Variants in NAALADL2 observed in about 807,000 individuals in gnomAD.
NAALADL2 encodes the protein N-acetylated alpha-linked acidic dipeptidase like 2, also known as inactive N-acetylated-alpha-linked acidic dipeptidase-like protein 2.
NAALADL2 carries 76 observed loss-of-function variants against 87.2 expected under a neutral mutation model. That is an observed-to-expected ratio of 0.87 (90% confidence interval 0.72 to 1.05). NAALADL2 has a LOEUF of 1.05. NAALADL2 is among the 50% of genes least tolerant of loss of function. The pLI is 0.00. For missense variants in NAALADL2, 1,089 were observed against 945.8 expected (o/e 1.15, Z -1.99); for synonymous variants, 354 against 331.0 (o/e 1.07, Z -0.75).
intron 1 of NAALADL2, among the ~76,000 whole-genome samples, chr3:174,871,397 A>G (rs1049789294): frequency 6.6e-6 from 1 of 152,216 alleles, no homozygotes; most frequent in Non-Finnish European, 1.5e-5. Context: ...AACTTCGGGA[A>G]ATAGCTATTG....
intron 13 of NAALADL2, among the ~76,000 whole-genome samples, chr3:175,770,171 C>T (rs574290573): frequency 2.0e-5 from 3 of 152,230 alleles, no homozygotes; most frequent in South Asian, 4.1e-4. Flanking sequence ...TAAAATTAAT[C>T]ATCACAGAGA....
chr3:174,758,372 A>G (rs542159561), intron 3 of NAALADL2, among the ~76,000 whole-genome samples: 1 of 152,238 alleles, frequency 6.6e-6, no homozygotes, highest in Non-Finnish European at 1.5e-5. Context: ...ATGAAATAAC[A>G]TATACAACTA....
At chr3:175,137,876 G>A (rs990999596) in intron 2 of NAALADL2, among the ~76,000 whole-genome samples, 3 of 151,552 alleles carry the variant, frequency 2.0e-5, no homozygotes, top group Non-Finnish European at 2.9e-5. Flanking sequence ...CACCTGCCTC[G>A]GCCTCCCAAA....
At chr3:174,738,492 G>C (rs1389194404) in intron 3 of NAALADL2, among the ~76,000 whole-genome samples, 4 of 152,184 alleles carry the variant, frequency 2.6e-5, no homozygotes, top group African/African-American at 9.7e-5. Context: ...AAGTAATGCA[G>C]ATTTAGGAAG....
intron 1 of NAALADL2, among the ~76,000 whole-genome samples, chr3:174,478,440 T>A (rs74978803): frequency 0.02 from 3,042 of 152,248 alleles, 104 homozygotes; most frequent in African/African-American, 0.062. Context: ...GATAAAATAA[T>A]GTTTATGATA....
intron 1 of NAALADL2, among the ~76,000 whole-genome samples, chr3:174,520,022 T>C (rs918154995): frequency 1.3e-5 from 2 of 152,158 alleles, no homozygotes; most frequent in Non-Finnish European, 2.9e-5. Context: ...GTGAAAGATC[T>C]GTACAAGGAG....
chr3:175,188,363 C>T (rs1737650977), intron 2 of NAALADL2, among the ~76,000 whole-genome samples: 1 of 152,120 alleles, frequency 6.6e-6, no homozygotes, highest in Non-Finnish European at 1.5e-5. Flanking sequence ...GCTCCCTACA[C>T]CTGAGCTGGT....
At chr3:175,661,295 T>C (rs1056078105) in intron 11 of NAALADL2, among the ~76,000 whole-genome samples, 99 of 152,010 alleles carry the variant, frequency 6.5e-4, no homozygotes, top group Admixed American at 6.5e-3. Context: ...TTGTATTTGT[T>C]TGTTTGTTTG....
At chr3:175,649,670 A>G (rs1378868758) in intron 11 of NAALADL2, among the ~76,000 whole-genome samples, 6 of 152,064 alleles carry the variant, frequency 3.9e-5, no homozygotes, top group Admixed American at 3.9e-4. Flanking sequence ...GCTCTCTGGT[A>G]TCTCTTCTTA....
chr3:175,611,074 C>T (rs1055851494), intron 10 of NAALADL2, among the ~76,000 whole-genome samples: 2 of 151,850 alleles, frequency 1.3e-5, no homozygotes, highest in Non-Finnish European at 2.9e-5. Flanking sequence ...GAATTTAAAC[C>T]CAGGCCCCAG....
chr3:175,181,766 T>TGTGTATATAG (rs1736580438), intron 2 of NAALADL2, among the ~76,000 whole-genome samples: 1 of 128,638 alleles, frequency 7.8e-6, no homozygotes. Flanking sequence ...TGTGTATATA[T>TGTGTATATAG]GTGTGTATAT....
At chr3:175,078,562 C>T (rs1717097917) in intron 1 of NAALADL2, among the ~76,000 whole-genome samples, 2 of 152,164 alleles carry the variant, frequency 1.3e-5, no homozygotes, top group South Asian at 4.1e-4. Flanking sequence ...AGTCCCCATT[C>T]ATTAGCAGTT....
chr3:175,361,138 G>T (rs1275508643), intron 5 of NAALADL2, among the ~76,000 whole-genome samples: 1 of 151,686 alleles, frequency 6.6e-6, no homozygotes, highest in Non-Finnish European at 1.5e-5. Flanking sequence ...CTGTCCTTCT[G>T]GTAGTTTGCT....
chr3:175,619,472 A>G (rs930963339), intron 10 of NAALADL2, among the ~76,000 whole-genome samples: 2 of 570 alleles, frequency 3.5e-3, no homozygotes, highest in Non-Finnish European at 7.7e-3. Flanking sequence ...ACATGGTGGG[A>G]AAAAAAAAAA....
At chr3:174,931,571 G>T (rs1324540199) in intron 1 of NAALADL2, among the ~76,000 whole-genome samples, 1 of 152,114 alleles carries the variant, frequency 6.6e-6, no homozygotes, top group South Asian at 2.1e-4. Flanking sequence ...ATGAAGAATG[G>T]TTTATTCTCA....
chr3:175,093,965 C>T (rs1183955693), intron 1 of NAALADL2, among the ~76,000 whole-genome samples: 5 of 151,948 alleles, frequency 3.3e-5, no homozygotes, highest in Admixed American at 3.3e-4. Context: ...GAGATGAAAA[C>T]TCTGCCTCAC....
intron 1 of NAALADL2, among the ~76,000 whole-genome samples, chr3:175,036,724 T>C (rs1436284435): frequency 6.6e-6 from 1 of 152,018 alleles, no homozygotes; most frequent in South Asian, 2.1e-4. Context: ...TTTAACTTGA[T>C]GTTTTACTAC....
chr3:175,177,069 C>A (rs1477339400), intron 2 of NAALADL2, among the ~76,000 whole-genome samples: 1 of 151,992 alleles, frequency 6.6e-6, no homozygotes, highest in African/African-American at 2.4e-5. Flanking sequence ...TCTGGAGTTC[C>A]CACTTCTTTT....
chr3:175,074,810 A>G (rs1716289635), intron 1 of NAALADL2, among the ~76,000 whole-genome samples: 1 of 152,002 alleles, frequency 6.6e-6, no homozygotes, highest in Admixed American at 6.6e-5. Context: ...AGGGATGAGT[A>G]CCAGGGGTGA....
Sources: gnomAD v4.1 joint callset for allele counts (sites outside exome capture counted in the v4.1 genomes callset) on GRCh38, gnomAD v4.1.1 for gene constraint, MANE v1.5 for transcripts, NCBI Gene and HGNC (gene_info 2026-07-23, HGNC 2026-07-21) for gene names.